Variants in JAKMIP1 observed in about 807,000 individuals in gnomAD.
JAKMIP1 encodes the protein janus kinase and microtubule-interacting protein 1.
Under a neutral mutation model 113.0 loss-of-function variants are expected in JAKMIP1, and 33 were observed. That is an observed-to-expected ratio of 0.29 (90% CI 0.22 to 0.39). The LOEUF is 0.39. JAKMIP1 is among the 10% of genes least tolerant of loss of function. JAKMIP1 has a pLI of 1.00. For synonymous variants in JAKMIP1, 480 were observed against 459.9 expected (o/e 1.04, Z -0.56); for missense variants, 813 against 1,080.5 (o/e 0.75, Z 3.47).
chr4:6,085,465 C>G lies in JAKMIP1; in HGVS notation c.789G>C (p.Glu263Asp). ...CCATGTCCCCGATCCCGGGCGGGAG[C>G]TCTCTCTTTGGACTACTGTGGTGCC... ...AERHHSSPKR[E>D]LPPGIGDMVE... The change falls in exon 4 of 21, where the codon GAG becomes GAC. Residue 263 changes from glutamate to aspartate, a missense_variant. By Grantham distance (45) the Glu-to-Asp change is conservative. This residue lies in a region of JAKMIP1 where 540 missense variants were observed against 653.9 expected (regional missense o/e 0.83). Transcript: ENST00000409021. 6.2e-7 allele frequency: 1 copy of G among 1,614,040 alleles called. No homozygotes were observed. The highest frequency in any genetic ancestry group is 1.1e-5 in the South Asian group (1 of 91,086).
In JAKMIP1 at chr4:6,135,130, A is replaced by G. The variant is rs188681414; in HGVS notation, c.-147-22133T>C. Among the ~76,000 whole-genome samples the G allele has an allele frequency of 6.6e-6, 1 of 152,084 alleles. No homozygotes were observed. The highest frequency in any genetic ancestry group is 2.4e-5 in the African/African-American group (1 of 41,414). ...TCCTCTCCCATTCTCAAGCCATGGT[A>G]TATGGGCTGACTCGTGTCCCTCCAA... On this transcript the variant is annotated intron_variant, in intron 1 of 20. Transcript: ENST00000409021. The surrounding 1 kb of genome is among the most constrained non-coding windows in gnomAD (Gnocchi z 4.9).
In JAKMIP1 at chr4:6,042,138, C is replaced by T; in HGVS notation, c.2097+21G>A. ...GCTCTTTGAACCCTCTCCCCCACCCCCAGGCAGTCAAATCTTTTACCTTCT... is the reference window on the plus strand; with the variant it reads ...GCTCTTTGAACCCTCTCCCCCACCCTCAGGCAGTCAAATCTTTTACCTTCT... On this transcript the variant is annotated intron_variant, in intron 17 of 20. Transcript: ENST00000409021. The surrounding 1 kb of genome is among the most constrained non-coding windows in gnomAD (Gnocchi z 5.2). 6.2e-7 allele frequency: 1 copy of T among 1,607,456 alleles called. No individual in the cohort carries two copies. The highest frequency in any genetic ancestry group is 8.5e-7 in the Non-Finnish European group (1 of 1,174,022).
Position 6,162,621 on chromosome 4 carries a change from C to T in JAKMIP1, c.-148+37632G>A, listed in dbSNP as rs186329496. On this transcript the variant is annotated intron_variant, in intron 1 of 20. Coordinates refer to ENST00000409021, the MANE Select transcript of JAKMIP1 (RefSeq NM_001099433.2). The surrounding 1 kb of genome is among the most constrained non-coding windows in gnomAD (Gnocchi z 5.6). ...GCACCATCTCGTTCAACCTGCCAAGCTCAGTGTGGCACTGCCCATCTGTTA... is the reference window on the plus strand; with the variant it reads ...GCACCATCTCGTTCAACCTGCCAAGTTCAGTGTGGCACTGCCCATCTGTTA... 1.3e-5 allele frequency among the ~76,000 whole-genome samples: 2 copies of T among 152,346 alleles called. No individual in the cohort carries two copies. The highest frequency in any genetic ancestry group is 1.3e-4 in the Admixed American group (2 of 15,308).
Position 6,051,585 on chromosome 4 carries a change from A to G in JAKMIP1, c.1807-906T>C, listed in dbSNP as rs1341602098. Among the ~76,000 whole-genome samples, 1 of 152,210 alleles carries G rather than the reference A, an allele frequency of 6.6e-6. No individual in the cohort carries two copies. Among genetic ancestry groups the G allele is most frequent in the East Asian group, 1.9e-4 (1 of 5,198 alleles). ...CTTTCCAATACAATCTGCCAATACC[A>G]TTCACAATTGTTTTCTGAGCCACAC... is the stretch of plus-strand genomic sequence containing the variant. On this transcript the variant is annotated intron_variant, in intron 13 of 20. Transcript: ENST00000409021. The surrounding 1 kb of genome is among the most constrained non-coding windows in gnomAD (Gnocchi z 5.0).
chr4:6,177,412 T>C (rs1275469005), intron 1 of JAKMIP1, among the ~76,000 whole-genome samples: 1 of 152,122 alleles, frequency 6.6e-6, no homozygotes, highest in African/African-American at 2.4e-5. Flanking sequence ...CTTAGCCTAG[T>C]AAAGGTTTAT....
rs372987129 is a variant in JAKMIP1 at position 6,116,681 on chromosome 4, G to A, written c.-147-3684C>T. Among the ~76,000 whole-genome samples the A allele has an allele frequency of 1.4e-4, 21 of 152,086 alleles. No homozygotes were observed. The highest frequency in any genetic ancestry group is 7.7e-4 in the East Asian group (4 of 5,180). On this transcript the variant is annotated intron_variant, in intron 1 of 20. Transcript: ENST00000409021. This position sits in a 1 kb window ranked among gnomAD's most constrained non-coding sequence, Gnocchi z 5.1. ...CGTTTGTCTGTGCCTTGGCAGTGCC[G>A]GTGCCCTTTAACTGCCTACAGGAAA...
chr4:6,035,995 T>G lies in JAKMIP1; in HGVS notation c.2288A>C (p.Glu763Ala). The change falls in exon 19 of 21, where the codon GAA (glutamate) becomes GCA (alanine). Residue 763 changes from glutamate to alanine, a missense_variant. Physicochemically the swap from Glu to Ala is moderately radical, Grantham distance 107. This residue lies in a region of JAKMIP1 where 273 missense variants were observed against 426.6 expected (regional missense o/e 0.64). Transcript: ENST00000409021. ...CCTGAGGATCTGCCTGCGCACCTTT[T>G]CCACAGCAGCCTGCAGGTCCTCCCG... Reference protein sequence around the residue: ...GQREDLQAAVEKVRRQILRQS... With the variant: ...GQREDLQAAVAKVRRQILRQS... 6.4e-7 allele frequency: 1 copy of G among 1,551,732 alleles called. No individual in the cohort carries two copies. The highest frequency in any genetic ancestry group is 8.7e-7 in the Non-Finnish European group (1 of 1,147,086).
At position 6,200,350 on chromosome 4, in the gene JAKMIP1, T is replaced by G. The variant is rs1201257074; in HGVS notation, c.-245A>C. 6.5e-6 allele frequency: 1 copy of G among 153,192 alleles called. No homozygotes were observed. The highest frequency in any genetic ancestry group is 2.0e-4 in the East Asian group (1 of 5,126). The allele number at this position is 153,192 out of a possible 1,614,324, so 9.5% of individuals were successfully genotyped here. A position where few individuals can be genotyped will look rare whatever the true frequency, so the allele number is the denominator to read the frequency against. ...GGCCGCCCCCTCCCCGCTGCGAGCT[T>G]ACGCCGCTGTCGCCGCCGCCACCGC... On this transcript the variant is annotated 5_prime_UTR_variant, in exon 1 of 21. Coordinates refer to ENST00000409021, the MANE Select transcript of JAKMIP1 (RefSeq NM_001099433.2). This position sits in a 1 kb window ranked among gnomAD's most constrained non-coding sequence, Gnocchi z 7.0.
At chr4:6,045,706 T>C (rs1451549696) in intron 16 of JAKMIP1, among the ~76,000 whole-genome samples, 2 of 152,182 alleles carry the variant, frequency 1.3e-5, no homozygotes, top group African/African-American at 4.8e-5. Flanking sequence ...AACCCGTCTC[T>C]ACTAAAAATA....
At chr4:6,090,339 C>A (rs1721875049) in intron 3 of JAKMIP1, among the ~76,000 whole-genome samples, 1 of 152,162 alleles carries the variant, frequency 6.6e-6, no homozygotes, top group Non-Finnish European at 1.5e-5. Context: ...GGACTGCCGG[C>A]CACACCAGAA....
At chr4:6,055,050 C>A (rs1294868315) in intron 12 of JAKMIP1, among the ~76,000 whole-genome samples, 1 of 152,012 alleles carries the variant, frequency 6.6e-6, no homozygotes, top group Non-Finnish European at 1.5e-5. Context: ...TTGAGAAATG[C>A]AGGGAAGGGA....
At chr4:6,159,406 A>G (rs1722632166) in intron 1 of JAKMIP1, among the ~76,000 whole-genome samples, 1 of 152,166 alleles carries the variant, frequency 6.6e-6, no homozygotes, top group Non-Finnish European at 1.5e-5. Flanking sequence ...AAAACATCAA[A>G]CCACAAGTTG....
chr4:6,159,452 G>A (rs188006492), intron 1 of JAKMIP1, among the ~76,000 whole-genome samples: 3 of 152,202 alleles, frequency 2.0e-5, no homozygotes, highest in Admixed American at 6.5e-5. Flanking sequence ...CAAATCCCAG[G>A]TTAATATTCT....
Position 6,116,600 on chromosome 4 carries a change from A to G in JAKMIP1, c.-147-3603T>C, listed in dbSNP as rs1212178787. On this transcript the variant is annotated intron_variant, in intron 1 of 20. Transcript: ENST00000409021. This position sits in a 1 kb window ranked among gnomAD's most constrained non-coding sequence, Gnocchi z 5.1. ...GTCCTGTTGGCCCCAGAACTGAAATATCTCTGCAGCCCACCCATCTCTGAC... is the reference window on the plus strand; with the variant it reads ...GTCCTGTTGGCCCCAGAACTGAAATGTCTCTGCAGCCCACCCATCTCTGAC... Among the ~76,000 whole-genome samples, 1 of 150,572 alleles carries G rather than the reference A, an allele frequency of 6.6e-6. No individual in the cohort carries two copies. The highest frequency in any genetic ancestry group is 1.5e-5 in the Non-Finnish European group (1 of 67,826).
intron 18 of JAKMIP1, among the ~76,000 whole-genome samples, chr4:6,038,185 C>A (rs111943020): frequency 2.8e-5 from 4 of 145,108 alleles, no homozygotes; most frequent in African/African-American, 1.1e-4. Context: ...AGAGGTTAAC[C>A]CAGTAGCCCT....
In JAKMIP1 at chr4:6,040,139, C is replaced by T. The variant is rs576476217; in HGVS notation, c.2175+500G>A. On this transcript the variant is annotated intron_variant, in intron 18 of 20. Coordinates refer to ENST00000409021, the MANE Select transcript of JAKMIP1 (RefSeq NM_001099433.2). The surrounding 1 kb of genome is among the most constrained non-coding windows in gnomAD (Gnocchi z 5.8). ...GGACACAGGAGTTTGAACATCATCCCACTGTATTTTAATCACCAGGACGCC... is the reference window on the plus strand; with the variant it reads ...GGACACAGGAGTTTGAACATCATCCTACTGTATTTTAATCACCAGGACGCC... Among the ~76,000 whole-genome samples, 41 of 152,296 alleles carry T rather than the reference C, an allele frequency of 2.7e-4. No individual in the cohort carries two copies. The highest frequency in any genetic ancestry group is 1.9e-4 in the Non-Finnish European group (13 of 68,036).
Position 6,156,595 on chromosome 4 carries a change from T to A in JAKMIP1, c.-147-43598A>T, listed in dbSNP as rs533854956. Reference sequence around the variant, plus strand: ...TCCTGGTGACCCAGGGCTTAGCTACTGAGATGCAACTCAAAGATCTGATGC... The same window carrying A: ...TCCTGGTGACCCAGGGCTTAGCTACAGAGATGCAACTCAAAGATCTGATGC... On this transcript the variant is annotated intron_variant, in intron 1 of 20. Coordinates refer to ENST00000409021, the MANE Select transcript of JAKMIP1 (RefSeq NM_001099433.2). This position sits in a 1 kb window ranked among gnomAD's most constrained non-coding sequence, Gnocchi z 5.0. 2.0e-5 allele frequency among the ~76,000 whole-genome samples: 3 copies of A among 152,360 alleles called. No individual in the cohort carries two copies. Among genetic ancestry groups the A allele is most frequent in the Admixed American group, 6.5e-5 (1 of 15,310 alleles).
chr4:6,074,599 C>T (rs60187093), intron 8 of JAKMIP1, among the ~76,000 whole-genome samples: 71,597 of 152,074 alleles, frequency 0.47, 20,161 homozygotes, highest in Non-Finnish European at 0.65. Flanking sequence ...TCCATGGCTG[C>T]TCAAGCCCCT....
At chr4:6,198,341 G>T (rs1175974002) in intron 1 of JAKMIP1, among the ~76,000 whole-genome samples, 1 of 152,056 alleles carries the variant, frequency 6.6e-6, no homozygotes, top group Non-Finnish European at 1.5e-5. Flanking sequence ...GCATGTGGGG[G>T]AAAAACCCAA....
Sources: gnomAD v4.1 joint callset for allele counts (sites outside exome capture counted in the v4.1 genomes callset) on GRCh38, gnomAD v4.1.1 for gene constraint, gnomAD v4.1.1 regional missense constraint, Gnocchi (gnomAD v3.1) non-coding constraint, MANE v1.5 for transcripts, NCBI Gene and HGNC (gene_info 2026-07-23, HGNC 2026-07-21) for gene names.